The following HS6ST1 variants were observed in gnomAD, a reference collection of about 807,000 sequenced individuals.
The protein encoded by HS6ST1 is heparan-sulfate 6-O-sulfotransferase 1.
Under a neutral mutation model 25.2 loss-of-function variants are expected in HS6ST1, and 3 were observed. The ratio of observed to expected loss-of-function variants is 0.12; its 90% CI spans 0.05 to 0.31. The LOEUF (loss-of-function observed/expected upper bound fraction) is 0.31. Ranked by LOEUF, HS6ST1 falls within the 10% of genes least tolerant of loss-of-function variation. HS6ST1 has a pLI of 1.00. For missense variants in HS6ST1, 310 were observed against 609.6 expected (o/e 0.51, Z 5.18); for synonymous variants, 204 against 275.1 (o/e 0.74, Z 2.56).
chr2:128,286,289 C>T (rs556713718), intron 1 of HS6ST1, among the ~76,000 whole-genome samples: 7 of 152,178 alleles, frequency 4.6e-5, no homozygotes, highest in African/African-American at 7.2e-5. Context: ...CCGAGGTCTG[C>T]GGGCTGGAGC....
At chr2:128,282,067 T>C (rs541416805) in intron 1 of HS6ST1, among the ~76,000 whole-genome samples, 1 of 152,288 alleles carries the variant, frequency 6.6e-6, no homozygotes, top group South Asian at 2.1e-4. Context: ...ACCTTGCCAG[T>C]CCCCAGAGGC....
At position 128,318,387 on chromosome 2, in the gene HS6ST1, T is replaced by A. The variant is rs1133923; in HGVS notation, c.177A>T (p.Thr59=). The A allele has an allele frequency of 1.2e-5, 19 of 1,593,522 alleles. No individual in the cohort carries two copies. Among genetic ancestry groups the A allele is most frequent in the Admixed American group, 5.1e-5 (3 of 58,308 alleles). The part of the protein sequence containing the change: ...APPDDLDLFP[T]PDPHYEKKYY... Reference sequence around the variant, plus strand: ...ACTTCTTCTCGTAGTGGGGGTCGGGTGTGGGGAACAGGTCCAGGTCGTCGG... The same window carrying A: ...ACTTCTTCTCGTAGTGGGGGTCGGGAGTGGGGAACAGGTCCAGGTCGTCGG... Residue 59 remains threonine (T), a synonymous_variant, in exon 1 of 2, where the codon ACA becomes ACT. Coordinates refer to ENST00000259241, the MANE Select transcript of HS6ST1 (RefSeq NM_004807.3). The surrounding 1 kb of genome is among the most constrained non-coding windows in gnomAD (Gnocchi z 5.7).
At chr2:128,315,362 C>A (rs779760594) in intron 1 of HS6ST1, among the ~76,000 whole-genome samples, 12 of 152,178 alleles carry the variant, frequency 7.9e-5, no homozygotes, top group Non-Finnish European at 1.8e-4. Flanking sequence ...CGGGAAGAGC[C>A]CCACCTCTCT....
At chr2:128,271,717 C>A (rs1693611919) in intron 1 of HS6ST1, among the ~76,000 whole-genome samples, 1 of 152,200 alleles carries the variant, frequency 6.6e-6, no homozygotes, top group Non-Finnish European at 1.5e-5. Context: ...ACGCAGCACT[C>A]AAAGCTGGGG....
At chr2:128,317,900 G>T (rs1694398262) in intron 1 of HS6ST1, 137 bp downstream of exon 1, 2 of 1,054,972 alleles carry the variant, frequency 1.9e-6, no homozygotes, top group African/African-American at 1.7e-5. Flanking sequence ...CAGGTCGGGA[G>T]GGGTGCCGGC....
intron 1 of HS6ST1, among the ~76,000 whole-genome samples, chr2:128,302,239 C>A (rs1249785617): frequency 6.6e-6 from 1 of 152,170 alleles, no homozygotes; most frequent in Admixed American, 6.5e-5. Flanking sequence ...GACTCACTGG[C>A]CGCCTGCTAA....
At chr2:128,294,418 A>C (rs934563134) in intron 1 of HS6ST1, among the ~76,000 whole-genome samples, 1 of 152,116 alleles carries the variant, frequency 6.6e-6, no homozygotes, top group Non-Finnish European at 1.5e-5. Context: ...CAGCCTGTCT[A>C]CTGGGTAGGT....
intron 1 of HS6ST1, among the ~76,000 whole-genome samples, chr2:128,278,810 T>A (rs1210478742): frequency 6.6e-6 from 1 of 152,198 alleles, no homozygotes; most frequent in African/African-American, 2.4e-5. Flanking sequence ...AGTGGCTGTC[T>A]CGGCAGTGAG....
At chr2:128,296,900 A>C (rs1008181015) in intron 1 of HS6ST1, among the ~76,000 whole-genome samples, 1 of 152,242 alleles carries the variant, frequency 6.6e-6, no homozygotes, top group African/African-American at 2.4e-5. Context: ...GGGATTTTGA[A>C]TAGCTAAAGT....
intron 1 of HS6ST1, among the ~76,000 whole-genome samples, chr2:128,317,205 C>T (rs557875365): frequency 2.0e-5 from 3 of 152,346 alleles, no homozygotes; most frequent in Admixed American, 2.0e-4. Context: ...AAGAGCTGCC[C>T]CGGCACCCCT....
intron 1 of HS6ST1, among the ~76,000 whole-genome samples, chr2:128,314,118 C>T (rs558639326): frequency 7.2e-5 from 11 of 152,134 alleles, no homozygotes; most frequent in Non-Finnish European, 8.8e-5. Context: ...TGGGTAACAT[C>T]TGTCCCCATC....
rs1363043605 is a variant in HS6ST1 at position 128,266,750 on chromosome 2, G to C, written c.*1412C>G. On this transcript the variant is annotated 3_prime_UTR_variant, in exon 2 of 2. Transcript: ENST00000259241. ...GAGCACACCAATCTACTCTCTGGGG[G>C]ATCCAGGGTGCCTGTGTGGGCCCTC... The C allele has an allele frequency of 6.6e-6, 1 of 152,352 alleles. No homozygotes were observed. The highest frequency in any genetic ancestry group is 2.4e-5 in the African/African-American group (1 of 41,438). 9.4% of individuals were successfully genotyped at this position (152,352 alleles called of 1,614,324 possible). A position where few individuals can be genotyped will look rare whatever the true frequency, so the allele number is the denominator to read the frequency against.
chr2:128,270,137 C>A (rs1693590200), intron 1 of HS6ST1, among the ~76,000 whole-genome samples: 1 of 152,170 alleles, frequency 6.6e-6, no homozygotes, highest in Admixed American at 6.5e-5. Flanking sequence ...GGCAGCAAGG[C>A]CAGCACTACT....
intron 1 of HS6ST1, among the ~76,000 whole-genome samples, chr2:128,274,712 C>T (rs1175296373): frequency 6.6e-6 from 1 of 152,148 alleles, no homozygotes; most frequent in African/African-American, 2.4e-5. Flanking sequence ...CGTGGTGACT[C>T]ACACCTGTAA....
In HS6ST1 at chr2:128,265,815, TCA is replaced by T. The variant is rs1039092295; in HGVS notation, c.*2345_*2346del. On this transcript the variant is annotated 3_prime_UTR_variant, in exon 2 of 2. Coordinates refer to ENST00000259241, the MANE Select transcript of HS6ST1 (RefSeq NM_004807.3). ...CTCCACTCCCTGCCTGTTTCCGTCCTCACAGCCCTGGGAGGGCCCCGGTGGAC... is the reference window on the plus strand; with the variant it reads ...CTCCACTCCCTGCCTGTTTCCGTCCTCAGCCCTGGGAGGGCCCCGGTGGAC... The T allele has an allele frequency of 2.0e-5, 3 of 152,240 alleles. No individual in the cohort carries two copies. The highest frequency in any genetic ancestry group is 7.2e-5 in the African/African-American group (3 of 41,456). The allele number at this position is 152,240 out of a possible 1,614,324, so 9.4% of individuals were successfully genotyped here. A position where few individuals can be genotyped will look rare whatever the true frequency, so the allele number is the denominator to read the frequency against.
At chr2:128,279,687 G>A (rs567610119) in intron 1 of HS6ST1, among the ~76,000 whole-genome samples, 78 of 152,282 alleles carry the variant, frequency 5.1e-4, no homozygotes, top group African/African-American at 1.9e-3. Context: ...GCTACCTGGA[G>A]GCTGAGGTGG....
At chr2:128,315,596 C>A (rs554510596) in intron 1 of HS6ST1, among the ~76,000 whole-genome samples, 7 of 152,334 alleles carry the variant, frequency 4.6e-5, no homozygotes, top group African/African-American at 1.7e-4. Flanking sequence ...ACCAAGCCCA[C>A]TTAACATGAG....
Position 128,318,645 on chromosome 2 carries a change from C to T in HS6ST1, c.-82G>A. The stretch of plus-strand genomic sequence containing the variant: ...GCGGGCGCAGCTGCCTCCGCCGCCG[C>T]CCGCGCTCCGGCCCGGCCCGGCTAC... On this transcript the variant is annotated 5_prime_UTR_variant, in exon 1 of 2. Coordinates refer to ENST00000259241, the MANE Select transcript of HS6ST1 (RefSeq NM_004807.3). The surrounding 1 kb of genome is among the most constrained non-coding windows in gnomAD (Gnocchi z 5.7). The T allele has an allele frequency of 2.9e-6, 1 of 350,498 alleles. No homozygotes were observed. Among genetic ancestry groups the T allele is most frequent in the Non-Finnish European group, 4.0e-6 (1 of 248,768 alleles). 21.7% of individuals were successfully genotyped at this position (350,498 alleles called of 1,614,324 possible).
chr2:128,284,551 G>T (rs1234982110), intron 1 of HS6ST1, among the ~76,000 whole-genome samples: 2 of 142,388 alleles, frequency 1.4e-5, no homozygotes. Context: ...GCCCAGGCTG[G>T]AATGCAGTGG....
Sources: allele counts gnomAD v4.1 joint callset (sites outside exome capture counted in the v4.1 genomes callset), GRCh38; gene constraint gnomAD v4.1.1; non-coding constraint Gnocchi (gnomAD v3.1); transcripts MANE v1.5; gene names NCBI Gene and HGNC (gene_info 2026-07-23, HGNC 2026-07-21).